The following FRMD6 variants were observed in gnomAD, a reference collection of about 807,000 sequenced individuals.
FRMD6 encodes the protein FERM domain containing 6.
In FRMD6, 37 loss-of-function variants were observed where a neutral mutation model predicts 73.2. The ratio of observed to expected loss-of-function variants is 0.51; its 90% CI spans 0.39 to 0.66. FRMD6 has a LOEUF of 0.66. FRMD6 is among the 30% of genes least tolerant of loss of function. FRMD6 has a pLI of 0.00. For missense variants in FRMD6, 714 were observed against 780.5 expected (o/e 0.91, Z 1.02); for synonymous variants, 273 against 282.2 (o/e 0.97, Z 0.33).
chr14:51,403,359 T>C, the FRMD6 span, among the ~76,000 whole-genome samples: 2 of 152,138 alleles, frequency 1.3e-5, no homozygotes, highest in Non-Finnish European at 2.9e-5. Context: ...ATTTGAACTT[T>C]GTACAAATAG....
intron 1 of FRMD6, among the ~76,000 whole-genome samples, chr14:51,563,206 A>G (rs1178949412): frequency 6.6e-6 from 1 of 152,230 alleles, no homozygotes; most frequent in African/African-American, 2.4e-5. Context: ...AGCCTCATAC[A>G]GCATCATTTC....
chr14:51,716,267 C>G (rs567979386), intron 10 of FRMD6, among the ~76,000 whole-genome samples: 36 of 152,026 alleles, frequency 2.4e-4, no homozygotes, highest in African/African-American at 8.2e-4. Flanking sequence ...CCCTAATCCT[C>G]AAAACTGCTA....
At chr14:51,723,595 A>C (rs1897753594) in intron 12 of FRMD6, among the ~76,000 whole-genome samples, 1 of 152,044 alleles carries the variant, frequency 6.6e-6, no homozygotes, top group Non-Finnish European at 1.5e-5. Flanking sequence ...AGCCTGGCCA[A>C]CGTGGTGAAA....
chr14:51,583,595 C>T (rs942842497), intron 2 of FRMD6, among the ~76,000 whole-genome samples: 4 of 152,130 alleles, frequency 2.6e-5, no homozygotes, highest in Non-Finnish European at 5.9e-5. Context: ...ACCAAGTAGC[C>T]ACTCTTACAA....
chr14:51,412,853 A>AAAAATAAAATAAAATAAAAT, the FRMD6 span, among the ~76,000 whole-genome samples: 8 of 152,162 alleles, frequency 5.3e-5, no homozygotes, highest in African/African-American at 1.9e-4. Context: ...TTCTGTCTAA[A>AAAAATAAAATAAAATAAAAT]AAAATAAAAT....
Position 51,720,118 on chromosome 14 carries a change from A to G in FRMD6, c.1088A>G (p.Glu363Gly), listed in dbSNP as rs780362667. The part of the protein sequence containing the change: ...DNLDLDMDQL[E>G]KRSRASGSSA... ...CTGGACCTCGACATGGACCAGCTGG[A>G]AAAACGGTCGCGGGCCAGCGGGAGC... is the stretch of plus-strand genomic sequence containing the variant. Residue 363 changes from glutamate (E) to glycine (G), a missense_variant, in exon 11 of 14, where the codon GAA (glutamate) becomes GGA (glycine). Physicochemically the swap from Glu to Gly is moderately conservative, Grantham distance 98 (BLOSUM62 -2). Transcript: ENST00000344768. The G allele has an allele frequency of 6.4e-5, 104 of 1,613,680 alleles. No homozygotes were observed. The highest frequency in any genetic ancestry group is 5.8e-4 in the Admixed American group (35 of 60,006).
At chr14:51,549,813 T>C in intron 1 of FRMD6, among the ~76,000 whole-genome samples, 1 of 152,032 alleles carries the variant, frequency 6.6e-6, no homozygotes, top group East Asian at 1.9e-4. Flanking sequence ...GCCAGGATGA[T>C]CTCGATCTCC....
intron 2 of FRMD6, among the ~76,000 whole-genome samples, chr14:51,608,598 C>G (rs1890360180): frequency 6.6e-6 from 1 of 152,060 alleles, no homozygotes; most frequent in South Asian, 2.1e-4. Context: ...CCTGTTCAGC[C>G]ACGCTTGCAG....
intron 2 of FRMD6, among the ~76,000 whole-genome samples, chr14:51,605,986 A>C (rs1890241840): frequency 6.6e-6 from 1 of 152,152 alleles, no homozygotes; most frequent in Non-Finnish European, 1.5e-5. Context: ...TTGGTGTCTT[A>C]ATTGAAAATT....
At chr14:51,454,616 T>G in the FRMD6 span, 2 of 152,240 alleles carry the variant, frequency 1.3e-5, no homozygotes, top group African/African-American at 2.4e-5. Flanking sequence ...ATTGTCAACC[T>G]CTAGTGCCTC....
intron 6 of FRMD6, among the ~76,000 whole-genome samples, chr14:51,706,829 A>G (rs1432466743): frequency 6.6e-6 from 1 of 151,974 alleles, no homozygotes; most frequent in Non-Finnish European, 1.5e-5. Flanking sequence ...AACCTTTTCT[A>G]TTTCATCAGC....
intron 2 of FRMD6, among the ~76,000 whole-genome samples, chr14:51,585,962 A>T (rs202090739): frequency 0.13 from 2,022 of 15,696 alleles, 119 homozygotes; most frequent in African/African-American, 0.22. Context: ...TATATATATA[A>T]CATTTTCTTT....
At chr14:51,645,151 A>G (rs376292912) in intron 2 of FRMD6, among the ~76,000 whole-genome samples, 171 of 152,330 alleles carry the variant, frequency 1.1e-3, no homozygotes, top group African/African-American at 3.9e-3. Context: ...AACTTTCTTA[A>G]TATTTTCTGG....
the FRMD6 span, among the ~76,000 whole-genome samples, chr14:51,462,541 T>TGGTG: frequency 2.6e-5 from 4 of 152,134 alleles, no homozygotes; most frequent in Admixed American, 1.3e-4. Context: ...TGAGACCAAA[T>TGGTG]GGGTAGACCC....
chr14:51,494,868 C>G (rs1025632957), intron 1 of FRMD6, among the ~76,000 whole-genome samples: 6 of 152,190 alleles, frequency 3.9e-5, no homozygotes, highest in African/African-American at 1.4e-4. Flanking sequence ...GACTAATTTC[C>G]TTGTCAACTA....
chr14:51,426,420 C>G, the FRMD6 span, among the ~76,000 whole-genome samples: 2 of 152,210 alleles, frequency 1.3e-5, no homozygotes, highest in East Asian at 3.9e-4. Flanking sequence ...TCAGAAGTCT[C>G]TACTTTTGTC....
chr14:51,601,501 G>A (rs1890035526), intron 2 of FRMD6, among the ~76,000 whole-genome samples: 1 of 152,192 alleles, frequency 6.6e-6, no homozygotes, highest in Admixed American at 6.5e-5. Context: ...AATTAGTGGT[G>A]AAACTTCCAG....
At chr14:51,602,367 T>C (rs1890073916) in intron 2 of FRMD6, among the ~76,000 whole-genome samples, 1 of 152,106 alleles carries the variant, frequency 6.6e-6, no homozygotes, top group South Asian at 2.1e-4. Flanking sequence ...TAGGCTTATG[T>C]CTCTAAGGAT....
chr14:51,515,319 A>G (rs1027222144), intron 1 of FRMD6, among the ~76,000 whole-genome samples: 4 of 152,152 alleles, frequency 2.6e-5, no homozygotes, highest in African/African-American at 7.2e-5. Context: ...AGACCTGACT[A>G]TCTCTAACTA....
Sources: gnomAD v4.1 joint callset for allele counts (sites outside exome capture counted in the v4.1 genomes callset) on GRCh38, gnomAD v4.1.1 for gene constraint, MANE v1.5 for transcripts, NCBI Gene and HGNC (gene_info 2026-07-23, HGNC 2026-07-21) for gene names.